CDKL2: variants seen among roughly 807,000 people sequenced by gnomAD.
CDKL2 encodes cyclin-dependent kinase-like 2.
Under a neutral mutation model 63.9 loss-of-function variants are expected in CDKL2, and 64 were observed. That is an observed-to-expected ratio of 1.00 (90% confidence interval 0.82 to 1.23). The LOEUF (loss-of-function observed/expected upper bound fraction) is 1.23. Ranked by LOEUF, CDKL2 falls within the 50% of genes most tolerant of loss-of-function variation. The probability of loss-of-function intolerance (pLI) is 0.00; values close to 1 mark genes in which losing one functional copy is unlikely to be tolerated. For synonymous variants in CDKL2, 211 were observed against 229.2 expected (o/e 0.92, Z 0.72); for missense variants, 656 against 668.0 (o/e 0.98, Z 0.20).
chr4:75,581,929 C>A, intron 12 of CDKL2, 31 bp from the exon 13 acceptor site: 2 of 1,475,230 alleles, frequency 1.4e-6, no homozygotes, highest in Non-Finnish European at 1.9e-6. Flanking sequence ...ATCATAGGTT[C>A]TCAGTAATTG....
chr4:75,622,778 C>CAT (rs1357800516), intron 2 of CDKL2, among the ~76,000 whole-genome samples: 1 of 110,952 alleles, frequency 9.0e-6, no homozygotes, highest in African/African-American at 3.4e-5. Flanking sequence ...AAGGATTATA[C>CAT]AATGTTCATG....
chr4:75,599,686 C>A (rs1210258789), intron 7 of CDKL2, among the ~76,000 whole-genome samples: 4 of 150,770 alleles, frequency 2.7e-5, no homozygotes, highest in Non-Finnish European at 5.9e-5. Flanking sequence ...TCCACAAAAA[C>A]AACATATCAC....
intron 13 of CDKL2, among the ~76,000 whole-genome samples, chr4:75,580,829 T>G (rs1471412536): frequency 6.7e-6 from 1 of 148,614 alleles, no homozygotes; most frequent in Non-Finnish European, 1.5e-5. Flanking sequence ...GCCTCCCGAG[T>G]AGCTGGGACT....
At position 75,597,019 on chromosome 4, in the gene CDKL2, G is replaced by T. The variant is rs750627985; in HGVS notation, c.1238C>A (p.Pro413His). 1.2e-5 allele frequency: 20 copies of T among 1,614,032 alleles called. No homozygotes were observed. In the Admixed American group the frequency reaches 3.3e-4, roughly 27 times the overall value. The change falls in exon 9 of 14, where the codon CCC becomes CAC. Residue 413 changes from proline (P) to histidine (H), a missense_variant. By Grantham distance (77) the Pro-to-His change is moderately conservative (BLOSUM62 -2). Coordinates refer to ENST00000307465, the MANE Select transcript of CDKL2 (RefSeq NM_001330724.2). Reference protein sequence around the residue: ...DHTRNPSVAIPPLTHNLSAVA... With the variant: ...DHTRNPSVAIHPLTHNLSAVA... ...TGCAGAAAGATTGTGTGTAAGTGGG[G>T]GAATTGCCACGCTTGGATTCCTTGT...
At chr4:75,602,769 C>T (rs775365095) in intron 6 of CDKL2, among the ~76,000 whole-genome samples, 1 of 151,692 alleles carries the variant, frequency 6.6e-6, no homozygotes, top group Non-Finnish European at 1.5e-5. Flanking sequence ...AGTGATCCAC[C>T]GGCCTTAGCC....
At chr4:75,591,373 A>G (rs1728707837) in intron 12 of CDKL2, among the ~76,000 whole-genome samples, 1 of 152,218 alleles carries the variant, frequency 6.6e-6, no homozygotes, top group Admixed American at 6.5e-5. Context: ...AAGCAGAAGG[A>G]TCGCTTGAGG....
chr4:75,588,558 A>G (rs1441970030), intron 12 of CDKL2, among the ~76,000 whole-genome samples: 3 of 152,222 alleles, frequency 2.0e-5, no homozygotes, highest in African/African-American at 7.2e-5. Context: ...AGAATAGTAA[A>G]CTAGGCCAAA....
Position 75,598,132 on chromosome 4 carries a change from T to G in CDKL2, c.965A>C (p.Lys322Thr), listed in dbSNP as rs1729023720. 1.9e-6 allele frequency: 3 copies of G among 1,559,194 alleles called. No homozygotes were observed. The African/African-American group carries it at 4.1e-5, about 21-fold the overall frequency. The change falls in exon 8 of 14, where the codon AAG becomes ACG. Residue 322 changes from lysine to threonine, a missense_variant. Physicochemically the swap from Lys to Thr is moderately conservative, Grantham distance 78. Transcript: ENST00000307465. ...TAAGGAATCATCTTTTTCTTTTTCC[T>G]TCTTTCTGTTTTGGGATTTTTTAGA... The part of the protein sequence containing the change: ...SLSKKSQNRK[K>T]EKEKDDSLVE...
chr4:75,596,826 T>C, intron 9 of CDKL2, 109 bp downstream of exon 9: 1 of 917,002 alleles, frequency 1.1e-6, no homozygotes, highest in Non-Finnish European at 1.6e-6. Context: ...CAAGAATGAA[T>C]AGCATCCAGA....
chr4:75,579,484 A>C (rs1728165146), intron 13 of CDKL2, among the ~76,000 whole-genome samples: 1 of 151,612 alleles, frequency 6.6e-6, no homozygotes. Flanking sequence ...GACCAGCCTG[A>C]CCAACATGGA....
At chr4:75,584,534 G>T (rs1332305621) in intron 12 of CDKL2, among the ~76,000 whole-genome samples, 1 of 152,150 alleles carries the variant, frequency 6.6e-6, no homozygotes, top group African/African-American at 2.4e-5. Flanking sequence ...TCCTGACCCA[G>T]AAACTGTGAG....
At chr4:75,596,887 C>G in intron 9 of CDKL2, 48 bp downstream of exon 9, 1 of 1,494,182 alleles carries the variant, frequency 6.7e-7, no homozygotes, top group Admixed American at 1.9e-5. Context: ...TTGCAATTTG[C>G]AAATATGTCC....
intron 12 of CDKL2, among the ~76,000 whole-genome samples, chr4:75,585,306 G>A (rs1728427103): frequency 6.6e-6 from 1 of 152,146 alleles, no homozygotes; most frequent in Non-Finnish European, 1.5e-5. Flanking sequence ...GCCAGGCATG[G>A]TGGCTCACTC....
At chr4:75,627,736 T>TC (rs1294809113) in intron 1 of CDKL2, among the ~76,000 whole-genome samples, 52 of 48,614 alleles carry the variant, frequency 1.1e-3, no homozygotes, top group East Asian at 8.0e-3. Flanking sequence ...TTTTTCTTTT[T>TC]TTTTTTTTTT....
At position 75,614,453 on chromosome 4, in the gene CDKL2, T is replaced by G. The variant is rs963416450; in HGVS notation, c.169-4A>C. 5 of 1,535,400 alleles carry G rather than the reference T, an allele frequency of 3.3e-6. No individual in the cohort carries two copies. In the African/African-American group the frequency reaches 6.9e-5, roughly 21 times the overall value. ...CCAAGTTTTCATGCCTAAGTTGCTG[T>G]TATTAAAAAATGCAAAATAGCTGTT... On this transcript the variant is annotated splice_polypyrimidine_tract_variant and splice_region_variant and intron_variant, in intron 2 of 13. Coordinates refer to ENST00000307465, the MANE Select transcript of CDKL2 (RefSeq NM_001330724.2).
chr4:75,586,655 T>C (rs1034001794), intron 12 of CDKL2, among the ~76,000 whole-genome samples: 1 of 152,128 alleles, frequency 6.6e-6, no homozygotes, highest in Non-Finnish European at 1.5e-5. Context: ...TATTAAATTA[T>C]ACATAGAATA....
At chr4:75,599,455 G>T (rs906375229) in intron 7 of CDKL2, among the ~76,000 whole-genome samples, 1 of 151,254 alleles carries the variant, frequency 6.6e-6, no homozygotes, top group Non-Finnish European at 1.5e-5. Flanking sequence ...CAGCTACTCG[G>T]GAGGCTGAGG....
rs186450016 is a variant in CDKL2, at chr4:75,626,439, G to T, written c.-29-422C>A. ...CCCAACACTTTGGGAGGCCAAGGTGGGCGGATCACAAGGTCGGGAGATTGA... is the reference window on the plus strand; with the variant it reads ...CCCAACACTTTGGGAGGCCAAGGTGTGCGGATCACAAGGTCGGGAGATTGA... On this transcript the variant is annotated intron_variant, in intron 1 of 13. Coordinates refer to ENST00000307465, the MANE Select transcript of CDKL2 (RefSeq NM_001330724.2). Among the ~76,000 whole-genome samples the T allele has an allele frequency of 2.4e-3, 371 of 152,250 alleles. 2 individuals carry two copies. Among genetic ancestry groups the T allele is most frequent in the African/African-American group, 8.7e-3 (362 of 41,550 alleles).
intron 12 of CDKL2, among the ~76,000 whole-genome samples, chr4:75,590,096 GA>G (rs912889448): frequency 1.3e-5 from 2 of 152,170 alleles, no homozygotes; most frequent in Non-Finnish European, 2.9e-5. Context: ...AAGCCCAGGG[GA>G]TCAAGGCTGT....
Sources: allele counts gnomAD v4.1 joint callset (sites outside exome capture counted in the v4.1 genomes callset), GRCh38; gene constraint gnomAD v4.1.1; transcripts MANE v1.5; gene names NCBI Gene and HGNC (gene_info 2026-07-23, HGNC 2026-07-21).